SLC35E3: variants seen among roughly 807,000 people sequenced by gnomAD.
SLC35E3 encodes the protein bladder cancer-overexpressed gene 1 protein.
In SLC35E3, 28 loss-of-function variants were observed where a neutral mutation model predicts 30.8. The ratio of observed to expected loss-of-function variants is 0.91; its 90% CI spans 0.67 to 1.25. SLC35E3 has a LOEUF of 1.25. Among genes scored for constraint, SLC35E3 ranks in the 50% most tolerant of loss-of-function variants. The pLI, the probability that SLC35E3 is intolerant of heterozygous loss-of-function variation, is 0.00. For missense variants in SLC35E3, 365 were observed against 375.4 expected (o/e 0.97, Z 0.23); for synonymous variants, 146 against 149.2 (o/e 0.98, Z 0.16).
In SLC35E3 at chr12:68,746,220, TTAAG is replaced by T; in HGVS notation, c.-157_-154del. ...GCGGCGGCGGGGTGTGTGTCCTCTGTTAAGAGTGCTACTCGCCCGGGGTTGATCT... is the reference window on the plus strand; with the variant it reads ...GCGGCGGCGGGGTGTGTGTCCTCTGTAGTGCTACTCGCCCGGGGTTGATCT... On this transcript the variant is annotated 5_prime_UTR_variant, in exon 1 of 5. Coordinates refer to ENST00000398004, the MANE Select transcript of SLC35E3 (RefSeq NM_018656.5). 1 of 654,340 alleles carries T rather than the reference TTAAG, an allele frequency of 1.5e-6. No homozygotes were observed. The highest frequency in any genetic ancestry group is 2.5e-6 in the Non-Finnish European group (1 of 392,798). The allele number at this position is 654,340 out of a possible 1,614,324, so 40.5% of individuals were successfully genotyped here. A position where few individuals can be genotyped will look rare whatever the true frequency, so the allele number is the denominator to read the frequency against.
chr12:68,750,296 G>A (rs1878741210), intron 2 of SLC35E3, among the ~76,000 whole-genome samples: 1 of 152,214 alleles, frequency 6.6e-6, no homozygotes, highest in Non-Finnish European at 1.5e-5. Flanking sequence ...CCAGGAGACT[G>A]GCCAATATAA....
chr12:68,756,993 C>T (rs914524607), intron 3 of SLC35E3, among the ~76,000 whole-genome samples: 22 of 152,066 alleles, frequency 1.4e-4, no homozygotes, highest in African/African-American at 3.9e-4. Context: ...CCAGCCTGGG[C>T]GACAGAGTGA....
intron 3 of SLC35E3, among the ~76,000 whole-genome samples, chr12:68,753,105 C>CTG (rs1878865496): frequency 2.9e-4 from 1 of 3,484 alleles, no homozygotes; most frequent in African/African-American, 5.3e-4. Context: ...GGGATCACAC[C>CTG]TGTCTCAAAA....
At position 68,767,742 on chromosome 12, in the gene SLC35E3, T is replaced by G. The variant is rs1408345935; in HGVS notation, c.*2852T>G. 1.3e-5 allele frequency: 2 copies of G among 152,210 alleles called. No homozygotes were observed. Among genetic ancestry groups the G allele is most frequent in the African/African-American group, 4.8e-5 (2 of 41,472 alleles). 9.4% of individuals were successfully genotyped at this position (152,210 alleles called of 1,614,324 possible). A position where few individuals can be genotyped will look rare whatever the true frequency, so the allele number is the denominator to read the frequency against. On this transcript the variant is annotated 3_prime_UTR_variant, in exon 5 of 5. Coordinates refer to ENST00000398004, the MANE Select transcript of SLC35E3 (RefSeq NM_018656.5). ...GTCAGTCAGTCTCTTGTGTAATTAG[T>G]ACGTGTGGCTTCCTTCTTTGTTTTA...
rs1879766085 is a variant in SLC35E3, at chr12:68,777,083, G to T, written c.*12193G>T. 1 of 152,128 alleles carries T rather than the reference G, an allele frequency of 6.6e-6. No individual in the cohort carries two copies. The highest frequency in any genetic ancestry group is 6.6e-5 in the Admixed American group (1 of 15,248). The allele number at this position is 152,128 out of a possible 1,614,324, so 9.4% of individuals were successfully genotyped here. ...GTCGCAAGGTCATGCTTAAGTCTTG[G>T]AACTGGCCATCAGTGTGAAAGTTCA... On this transcript the variant is annotated 3_prime_UTR_variant, in exon 5 of 5. Coordinates refer to ENST00000398004, the MANE Select transcript of SLC35E3 (RefSeq NM_018656.5).
chr12:68,763,240 T>C (rs1226246531), intron 4 of SLC35E3, among the ~76,000 whole-genome samples: 1 of 152,086 alleles, frequency 6.6e-6, no homozygotes, highest in African/African-American at 2.4e-5. Context: ...AGGAAACTAA[T>C]GCACAGAGTG....
At chr12:68,763,777 G>A (rs1384199410) in intron 4 of SLC35E3, among the ~76,000 whole-genome samples, 1 of 152,174 alleles carries the variant, frequency 6.6e-6, no homozygotes, top group African/African-American at 2.4e-5. Flanking sequence ...TAATCCAGTG[G>A]CATGTTACTG....
intron 3 of SLC35E3, among the ~76,000 whole-genome samples, chr12:68,757,564 C>T (rs145834660): frequency 2.2e-4 from 33 of 152,258 alleles, no homozygotes; most frequent in Middle Eastern, 3.4e-3. Context: ...ATTTTTACAA[C>T]TACTTTGTGG....
rs1878595805 is a variant in SLC35E3 at position 68,746,769 on chromosome 12, AGCTCAC to A, written c.396_401del (p.Thr133_Leu134del). On this transcript the variant is annotated inframe_deletion, in exon 1 of 5. Coordinates refer to ENST00000398004, the MANE Select transcript of SLC35E3 (RefSeq NM_018656.5). Reference sequence around the variant, plus strand: ...CAGAAAACCTTCTCCACCAGAATCCAGCTCACGCTGGTGAGTAGCTTCAGCTTCCCA... The same window carrying A: ...CAGAAAACCTTCTCCACCAGAATCCAGCTGGTGAGTAGCTTCAGCTTCCCA... 1 of 1,586,002 alleles carries A rather than the reference AGCTCAC, an allele frequency of 6.3e-7. No homozygotes were observed. Among genetic ancestry groups the A allele is most frequent in the Admixed American group, 1.8e-5 (1 of 56,952 alleles).
At chr12:68,751,033 G>T (rs1299161318) in intron 2 of SLC35E3, among the ~76,000 whole-genome samples, 2 of 152,092 alleles carry the variant, frequency 1.3e-5, no homozygotes, top group African/African-American at 4.8e-5. Flanking sequence ...GGACGAATGG[G>T]ATTTGAGGTC....
chr12:68,774,405 C>A lies in SLC35E3; in HGVS notation c.*9515C>A, dbSNP rs1372452116. ...GACCAGCCTGACCAACATGGAGAAA[C>A]CCTGTCTCTACTAAAAATACAAAAT... is the stretch of plus-strand genomic sequence containing the variant. On this transcript the variant is annotated 3_prime_UTR_variant, in exon 5 of 5. Transcript: ENST00000398004. 3 of 151,746 alleles carry A rather than the reference C, an allele frequency of 2.0e-5. No individual in the cohort carries two copies. Among genetic ancestry groups the A allele is most frequent in the Admixed American group, 6.6e-5 (1 of 15,204 alleles). 9.4% of individuals were successfully genotyped at this position (151,746 alleles called of 1,614,324 possible). A position where few individuals can be genotyped will look rare whatever the true frequency, so the allele number is the denominator to read the frequency against.
At position 68,772,112 on chromosome 12, in the gene SLC35E3, A is replaced by G. The variant is rs996656492; in HGVS notation, c.*7222A>G. On this transcript the variant is annotated 3_prime_UTR_variant, in exon 5 of 5. Coordinates refer to ENST00000398004, the MANE Select transcript of SLC35E3 (RefSeq NM_018656.5). ...GGTTGTTGTGGCTCAATCTCAGTTC[A>G]CTGCAACCTCCGCCTCCCGGGTTCA... 1.3e-5 allele frequency: 2 copies of G among 151,462 alleles called. No individual in the cohort carries two copies. The highest frequency in any genetic ancestry group is 2.9e-5 in the Non-Finnish European group (2 of 67,912). 9.4% of individuals were successfully genotyped at this position (151,462 alleles called of 1,614,324 possible).
At chr12:68,752,716 A>G (rs1419384071) in intron 3 of SLC35E3, among the ~76,000 whole-genome samples, 4 of 152,012 alleles carry the variant, frequency 2.6e-5, no homozygotes, top group Non-Finnish European at 4.4e-5. Flanking sequence ...ACAAAAAATT[A>G]AGAAATGGGC....
intron 3 of SLC35E3, among the ~76,000 whole-genome samples, chr12:68,756,064 C>T (rs1319757131): frequency 2.0e-5 from 3 of 152,100 alleles, no homozygotes; most frequent in Non-Finnish European, 1.5e-5. Flanking sequence ...CTCTGCTTCC[C>T]CTAAGTAGAC....
chr12:68,747,473 T>C (rs1878635020), intron 1 of SLC35E3, among the ~76,000 whole-genome samples: 1 of 152,188 alleles, frequency 6.6e-6, no homozygotes, highest in South Asian at 2.1e-4. Flanking sequence ...TTCTCCATGT[T>C]AATCAGGCTG....
At chr12:68,749,869 C>T (rs1878728034) in intron 2 of SLC35E3, among the ~76,000 whole-genome samples, 1 of 152,056 alleles carries the variant, frequency 6.6e-6, no homozygotes, top group Non-Finnish European at 1.5e-5. Context: ...GGTCGTGAAG[C>T]CATGCTAAGG....
rs773607301 is a variant in SLC35E3, at chr12:68,770,707, G to C, written c.*5817G>C. 6.6e-6 allele frequency: 1 copy of C among 152,158 alleles called. No individual in the cohort carries two copies. Among genetic ancestry groups the C allele is most frequent in the African/African-American group, 2.4e-5 (1 of 41,362 alleles). 9.4% of individuals were successfully genotyped at this position (152,158 alleles called of 1,614,324 possible). On this transcript the variant is annotated 3_prime_UTR_variant, in exon 5 of 5. Coordinates refer to ENST00000398004, the MANE Select transcript of SLC35E3 (RefSeq NM_018656.5). ...AAATTAGCTGGGCATGGTGGTGTGG[G>C]CCTGTGGTCCCAGCTACTCAGGAGG...
chr12:68,748,233 T>C (rs1878669209), intron 2 of SLC35E3, among the ~76,000 whole-genome samples, 193 bp downstream of exon 2: 1 of 152,176 alleles, frequency 6.6e-6, no homozygotes, highest in African/African-American at 2.4e-5. Context: ...GCTCACCAAA[T>C]ACCTACCTGT....
chr12:68,752,286 C>T lies in SLC35E3; in HGVS notation c.672+96C>T, dbSNP rs1192064677. On this transcript the variant is annotated intron_variant, in intron 3 of 4. Coordinates refer to ENST00000398004, the MANE Select transcript of SLC35E3 (RefSeq NM_018656.5). ...AGTTTTCAGAGCACTATGTCCGATCCATTCTCACATTTATCGTCATAATCA... is the reference window on the plus strand; with the variant it reads ...AGTTTTCAGAGCACTATGTCCGATCTATTCTCACATTTATCGTCATAATCA... 7.1e-6 allele frequency: 8 copies of T among 1,132,574 alleles called. No homozygotes were observed. The East Asian group carries it at 7.4e-5, about 11-fold the overall frequency. The allele number at this position is 1,132,574 out of a possible 1,614,324, so 70.2% of individuals were successfully genotyped here.
Sources: allele counts gnomAD v4.1 joint callset (sites outside exome capture counted in the v4.1 genomes callset), GRCh38; gene constraint gnomAD v4.1.1; transcripts MANE v1.5; gene names NCBI Gene and HGNC (gene_info 2026-07-23, HGNC 2026-07-21).